Variants in UBAP1L observed in about 807,000 individuals in gnomAD.
UBAP1L encodes ubiquitin-associated protein 1-like.
UBAP1L carries 32 observed loss-of-function variants against 32.1 expected under a neutral mutation model. The ratio of observed to expected loss-of-function variants is 1.00; its 90% CI spans 0.75 to 1.34. UBAP1L has a LOEUF of 1.34. Among genes scored for constraint, UBAP1L ranks in the 40% most tolerant of loss-of-function variants. UBAP1L has a pLI of 0.00. For synonymous variants in UBAP1L, 243 were observed against 250.2 expected, an observed-to-expected ratio of 0.97 and a Z score of 0.27; for missense variants, 516 against 540.5, an observed-to-expected ratio of 0.95 and a Z score of 0.45.
chr15:65,093,232 C>T lies in UBAP1L; in HGVS notation c.1012-1G>A. The T allele has an allele frequency of 6.5e-7, 1 of 1,541,690 alleles. No homozygotes were observed. The highest frequency in any genetic ancestry group is 8.7e-7 in the Non-Finnish European group (1 of 1,143,738). On this transcript the variant is annotated splice_acceptor_variant, in intron 5 of 5. Coordinates refer to ENST00000559089, the MANE Select transcript of UBAP1L (RefSeq NM_001163692.2). LOFTEE classifies it high-confidence loss of function. ...CCCAGAGGCGCAGGAACTCCCCTGC[C>T]TGAGGAAGAGGAGACAGGGAGGGTG... is the stretch of plus-strand genomic sequence containing the variant.
At chr15:65,113,737 G>C (rs2087384871) in intron 1 of UBAP1L, among the ~76,000 whole-genome samples, 1 of 152,080 alleles carries the variant, frequency 6.6e-6, no homozygotes, top group Admixed American at 6.6e-5. Context: ...GACAAAGCGA[G>C]AGTCTGTCTC....
chr15:65,106,201 A>G lies in UBAP1L; in HGVS notation c.15T>C (p.Asp5=), dbSNP rs899718752. The change falls in exon 2 of 6, where the codon GAT becomes GAC. Residue 5 remains aspartate, a synonymous_variant. Transcript: ENST00000559089. The part of the protein sequence containing the change: MNAL[D]GVPFKLPKGF... The stretch of plus-strand genomic sequence containing the variant: ...CCTTGGGCAACTTGAAAGGAACACC[A>G]TCGAGGGCATTCATTCTGTCAGGAG... 1.3e-6 allele frequency: 2 copies of G among 1,546,428 alleles called. No homozygotes were observed. The highest frequency in any genetic ancestry group is 2.0e-5 in the Admixed American group (1 of 49,230).
chr15:65,112,236 G>A (rs2087373638), intron 1 of UBAP1L, among the ~76,000 whole-genome samples: 1 of 152,150 alleles, frequency 6.6e-6, no homozygotes, highest in African/African-American at 2.4e-5. Flanking sequence ...ACAAGTTGCT[G>A]GACTTAAGCA....
At position 65,105,925 on chromosome 15, in the gene UBAP1L, G is replaced by A. The variant is rs1184900066; in HGVS notation, c.120+171C>T. The A allele has an allele frequency of 2.0e-5, 18 of 894,554 alleles. No homozygotes were observed. In the South Asian group the frequency reaches 2.1e-4, roughly 10 times the overall value. The allele number at this position is 894,554 out of a possible 1,614,324, so 55.4% of individuals were successfully genotyped here. A position where few individuals can be genotyped will look rare whatever the true frequency, so the allele number is the denominator to read the frequency against. On this transcript the variant is annotated intron_variant, in intron 2 of 5. Transcript: ENST00000559089. ...CATGCCTCCACCTTCCGAGTAGCTGGGATTACAGGCACGCGTCACCACACC... is the reference window on the plus strand; with the variant it reads ...CATGCCTCCACCTTCCGAGTAGCTGAGATTACAGGCACGCGTCACCACACC...
intron 1 of UBAP1L, among the ~76,000 whole-genome samples, chr15:65,113,240 C>T (rs1233864263): frequency 6.6e-6 from 1 of 152,102 alleles, no homozygotes; most frequent in Non-Finnish European, 1.5e-5. Context: ...AGGCACTCTC[C>T]TACTTAAAAC....
chr15:65,106,583 C>T (rs887145726), intron 1 of UBAP1L, among the ~76,000 whole-genome samples, 195 bp from the exon 2 acceptor site: 5 of 151,766 alleles, frequency 3.3e-5, no homozygotes, highest in Non-Finnish European at 7.4e-5. Flanking sequence ...TAAACTCTTC[C>T]AGGGAAGAAG....
chr15:65,110,644 C>T (rs2087362973), intron 1 of UBAP1L, among the ~76,000 whole-genome samples: 1 of 145,220 alleles, frequency 6.9e-6, no homozygotes, highest in South Asian at 2.2e-4. Context: ...GAGATGGCAC[C>T]ACTGCACTCC....
intron 4 of UBAP1L, chr15:65,099,299 T>A: frequency 3.4e-6 from 2 of 582,514 alleles, no homozygotes; most frequent in Admixed American, 3.1e-5. Context: ...CCTTCCCACA[T>A]GCAATGACTG....
chr15:65,099,775 G>A, intron 3 of UBAP1L, 61 bp from the exon 4 acceptor site: 1 of 1,438,262 alleles, frequency 7.0e-7, no homozygotes, highest in South Asian at 1.4e-5. Context: ...AGTTGGGCTG[G>A]ACATTTTTAA....
chr15:65,104,963 C>CAG, intron 2 of UBAP1L: 1 of 320,186 alleles, frequency 3.1e-6, no homozygotes, highest in South Asian at 2.3e-5. Flanking sequence ...GCCGAGATTG[C>CAG]GCCACTGCAC....
Position 65,106,298 on chromosome 15 carries a change from G to A in UBAP1L, c.-83C>T. 1.4e-6 allele frequency: 2 copies of A among 1,407,976 alleles called. No homozygotes were observed. The highest frequency in any genetic ancestry group is 1.8e-6 in the Non-Finnish European group (2 of 1,081,334). 87.2% of individuals were successfully genotyped at this position (1,407,976 alleles called of 1,614,324 possible). On this transcript the variant is annotated 5_prime_UTR_variant, in exon 2 of 6. Transcript: ENST00000559089. Reference sequence around the variant, plus strand: ...AGAGAGAGTCGAGTCCTGAGGACCAGGCTCAGGCCTCAAATGGCCTCACTG... The same window carrying A: ...AGAGAGAGTCGAGTCCTGAGGACCAAGCTCAGGCCTCAAATGGCCTCACTG...
chr15:65,114,736 T>C (rs1171476170), intron 1 of UBAP1L, among the ~76,000 whole-genome samples: 3 of 152,232 alleles, frequency 2.0e-5, no homozygotes, highest in African/African-American at 4.8e-5. Flanking sequence ...GTGGCCAGCA[T>C]GAATTAACAA....
Position 65,102,107 on chromosome 15 carries a change from G to GCGAC in UBAP1L, c.694_697dup (p.Ala233GlyfsTer28). 1 of 1,200,794 alleles carries GCGAC rather than the reference G, an allele frequency of 8.3e-7. No homozygotes were observed. The highest frequency in any genetic ancestry group is 1.0e-6 in the Non-Finnish European group (1 of 965,610). 74.4% of individuals were successfully genotyped at this position (1,200,794 alleles called of 1,614,324 possible). On this transcript the variant is annotated frameshift_variant and splice_region_variant, in exon 3 of 6. Transcript: ENST00000559089. LOFTEE classifies it high-confidence loss of function. This position sits in a 1 kb window ranked among gnomAD's most constrained non-coding sequence, Gnocchi z 5.0. ...TGGAGGGGCGGGCAGAATCCTTACC[G>GCGAC]CGACCGTAGGCTTGTGGCTCCGCAG...
rs1275080059 is a variant in UBAP1L, at chr15:65,106,249, G to A, written c.-34C>T. The A allele has an allele frequency of 2.6e-6, 4 of 1,513,596 alleles. No individual in the cohort carries two copies. In the African/African-American group the frequency reaches 4.2e-5, roughly 16 times the overall value. The allele number at this position is 1,513,596 out of a possible 1,614,324, so 93.8% of individuals were successfully genotyped here. A position where few individuals can be genotyped will look rare whatever the true frequency, so the allele number is the denominator to read the frequency against. On this transcript the variant is annotated 5_prime_UTR_variant, in exon 2 of 6. Coordinates refer to ENST00000559089, the MANE Select transcript of UBAP1L (RefSeq NM_001163692.2). ...GAGTGTGGAGATGGCTGGCAGGGCT[G>A]GGGCAGGCTGCTTGATGGCAGGGAG...
intron 4 of UBAP1L, 159 bp downstream of exon 4, chr15:65,099,344 GCC>G (rs1407478941): frequency 1.1e-5 from 8 of 719,230 alleles, no homozygotes; most frequent in African/African-American, 1.8e-5. Flanking sequence ...GACCATCTCA[GCC>G]CCACTTAGGA....
intron 4 of UBAP1L, 128 bp downstream of exon 4, chr15:65,099,377 T>G (rs995741786): frequency 1.1e-4 from 109 of 975,814 alleles, no homozygotes; most frequent in Non-Finnish European, 2.0e-5. Flanking sequence ...GGGCCATAGA[T>G]GCTCCAGAGC....
Position 65,099,577 on chromosome 15 carries a change from C to A in UBAP1L, c.837G>T (p.Val279=). 6.4e-7 allele frequency: 1 copy of A among 1,551,602 alleles called. No homozygotes were observed. The highest frequency in any genetic ancestry group is 8.7e-7 in the Non-Finnish European group (1 of 1,146,986). Residue 279 remains valine (V), a synonymous_variant, in exon 4 of 6, where the codon GTG becomes GTT. Coordinates refer to ENST00000559089, the MANE Select transcript of UBAP1L (RefSeq NM_001163692.2). The stretch of plus-strand genomic sequence containing the variant: ...TTCGCAGGGGATATCCCAGGGCGAC[C>A]ACTGGCCCAATGAGGTCTTGCTCCT... ...SQEEQDLIGP[V]VALGYPLRRA...
At chr15:65,109,212 T>C (rs1042292013) in intron 1 of UBAP1L, among the ~76,000 whole-genome samples, 17 of 141,142 alleles carry the variant, frequency 1.2e-4, no homozygotes, top group South Asian at 2.3e-4. Context: ...TGGCCGGGCG[T>C]GGTGGCTCAC....
chr15:65,102,715 G>A lies in UBAP1L; in HGVS notation c.121-31C>T. ...GAAAGAAGGCGACGTAAAGCCCAGG[G>A]CAAACCAGGACCCCGGGGGCACAAC... is the stretch of plus-strand genomic sequence containing the variant. On this transcript the variant is annotated intron_variant, in intron 2 of 5. Coordinates refer to ENST00000559089, the MANE Select transcript of UBAP1L (RefSeq NM_001163692.2). This position sits in a 1 kb window ranked among gnomAD's most constrained non-coding sequence, Gnocchi z 5.0. 6.5e-7 allele frequency: 1 copy of A among 1,536,922 alleles called. No homozygotes were observed. The highest frequency in any genetic ancestry group is 8.7e-7 in the Non-Finnish European group (1 of 1,143,690).
Sources: gnomAD v4.1 joint callset for allele counts (sites outside exome capture counted in the v4.1 genomes callset) on GRCh38, gnomAD v4.1.1 for gene constraint, Gnocchi (gnomAD v3.1) non-coding constraint, MANE v1.5 for transcripts, NCBI Gene and HGNC (gene_info 2026-07-23, HGNC 2026-07-21) for gene names.